The following DAB1 variants were observed in gnomAD, a reference collection of about 807,000 sequenced individuals.
DAB1 encodes the protein DAB adaptor protein 1.
DAB1 carries 15 observed loss-of-function variants against 64.6 expected under a neutral mutation model. The observed-to-expected ratio is 0.23, with a 90% confidence interval of 0.16 to 0.36. DAB1 has a LOEUF of 0.36. Ranked by LOEUF, DAB1 falls within the 10% of genes least tolerant of loss-of-function variation. The probability of loss-of-function intolerance (pLI) is 1.00; values close to 1 mark genes in which losing one functional copy is unlikely to be tolerated. For synonymous variants in DAB1, 235 were observed against 251.9 expected, an observed-to-expected ratio of 0.93 and a Z score of 0.64; for missense variants, 596 against 706.7, an observed-to-expected ratio of 0.84 and a Z score of 1.78.
intron 8 of DAB1, among the ~76,000 whole-genome samples, chr1:57,064,917 T>C (rs1466585090): frequency 6.6e-6 from 1 of 152,136 alleles, no homozygotes; most frequent in Non-Finnish European, 1.5e-5. Flanking sequence ...ACAGAGTCCT[T>C]GTTAATGAGG....
intron 6 of DAB1, among the ~76,000 whole-genome samples, chr1:57,707,630 T>C (rs1646984196): frequency 6.6e-6 from 1 of 152,166 alleles, no homozygotes; most frequent in South Asian, 2.1e-4. Context: ...CATTTTACAT[T>C]CTTGTGTCCA....
chr1:57,629,362 GA>G (rs1645960341), intron 7 of DAB1, among the ~76,000 whole-genome samples: 1 of 152,132 alleles, frequency 6.6e-6, no homozygotes. Context: ...GTGTTTGTGT[GA>G]AAAACCCACC....
At chr1:58,161,301 T>C (rs1229297259) in intron 4 of DAB1, among the ~76,000 whole-genome samples, 1 of 152,186 alleles carries the variant, frequency 6.6e-6, no homozygotes, top group East Asian at 1.9e-4. Context: ...CAATGCATAT[T>C]CATGAACACA....
chr1:57,314,109 T>C (rs775916432), intron 1 of DAB1, among the ~76,000 whole-genome samples: 36 of 152,208 alleles, frequency 2.4e-4, no homozygotes, highest in South Asian at 4.1e-4. Flanking sequence ...GGATTCTGCA[T>C]CTTTTGGCAG....
At chr1:58,012,724 C>T (rs1435480182) in intron 5 of DAB1, among the ~76,000 whole-genome samples, 5 of 152,232 alleles carry the variant, frequency 3.3e-5, no homozygotes, top group African/African-American at 1.2e-4. Flanking sequence ...AGGAAGTGGC[C>T]CTCACCAGAC....
intron 5 of DAB1, among the ~76,000 whole-genome samples, chr1:57,914,816 T>A (rs1200438000): frequency 2.6e-5 from 4 of 152,176 alleles, no homozygotes; most frequent in Non-Finnish European, 5.9e-5. Flanking sequence ...CATAAATGAT[T>A]CCCAAAGTAT....
chr1:58,326,379 G>A (rs992823013), intron 4 of DAB1, among the ~76,000 whole-genome samples: 1 of 152,166 alleles, frequency 6.6e-6, no homozygotes, highest in Non-Finnish European at 1.5e-5. Flanking sequence ...GAGTGCAGGA[G>A]AGGAATTATC....
intron 4 of DAB1, among the ~76,000 whole-genome samples, chr1:58,160,341 T>A (rs188936645): frequency 1.3e-5 from 2 of 152,308 alleles, no homozygotes; most frequent in African/African-American, 4.8e-5. Context: ...TACCGCAGGC[T>A]GCTCTGGATA....
intron 3 of DAB1, among the ~76,000 whole-genome samples, chr1:58,424,324 C>T (rs573221517): frequency 5.7e-4 from 87 of 152,280 alleles, no homozygotes; most frequent in Non-Finnish European, 1.0e-3. Flanking sequence ...CTCAGTCTAC[C>T]GATTTCAAAT....
At chr1:58,123,356 C>T (rs565354301) in intron 5 of DAB1, among the ~76,000 whole-genome samples, 1 of 152,218 alleles carries the variant, frequency 6.6e-6, no homozygotes, top group African/African-American at 2.4e-5. Context: ...TTCCTAAGTC[C>T]TTACTCCATC....
intron 4 of DAB1, among the ~76,000 whole-genome samples, chr1:58,323,029 G>A (rs906040901): frequency 1.4e-4 from 19 of 136,992 alleles, no homozygotes; most frequent in Non-Finnish European, 2.9e-4. Flanking sequence ...TCATAGGTTC[G>A]AACAGAATAA....
intron 7 of DAB1, among the ~76,000 whole-genome samples, chr1:57,069,644 G>T (rs948064330): frequency 6.6e-6 from 1 of 152,218 alleles, no homozygotes; most frequent in Non-Finnish European, 1.5e-5. Flanking sequence ...CAGTATTTCA[G>T]CAGTGATTGC....
At chr1:57,140,467 A>G (rs1027371957) in intron 3 of DAB1, among the ~76,000 whole-genome samples, 1 of 152,196 alleles carries the variant, frequency 6.6e-6, no homozygotes, top group Non-Finnish European at 1.5e-5. Context: ...TTCTACTACA[A>G]TCCTCTCTTC....
At chr1:57,745,247 G>T (rs1025015893) in intron 6 of DAB1, among the ~76,000 whole-genome samples, 2 of 152,108 alleles carry the variant, frequency 1.3e-5, no homozygotes, top group African/African-American at 4.8e-5. Context: ...TACTTCCCGG[G>T]AAGTTGTTTA....
At chr1:58,497,349 G>T (rs1311065308) in intron 3 of DAB1, among the ~76,000 whole-genome samples, 3 of 152,124 alleles carry the variant, frequency 2.0e-5, no homozygotes, top group Non-Finnish European at 4.4e-5. Flanking sequence ...ACACTGCTGA[G>T]ATACAGAAAT....
At chr1:58,387,949 T>G (rs338936) in intron 3 of DAB1, among the ~76,000 whole-genome samples, 81,776 of 151,772 alleles carry the variant, frequency 0.54, 22,433 homozygotes, top group African/African-American at 0.64. Context: ...GGATGGTCTT[T>G]ATCTCCTGAC....
chr1:57,808,794 G>A (rs922282866), intron 6 of DAB1, among the ~76,000 whole-genome samples: 3 of 152,212 alleles, frequency 2.0e-5, no homozygotes, highest in Admixed American at 2.0e-4. Context: ...ATTATTTAGG[G>A]ACAAAGAAGT....
intron 4 of DAB1, among the ~76,000 whole-genome samples, chr1:58,176,631 C>T (rs1161534553): frequency 2.6e-5 from 4 of 152,136 alleles, no homozygotes; most frequent in Non-Finnish European, 5.9e-5. Flanking sequence ...CCTTTTATAA[C>T]AGCATTAATT....
At chr1:57,678,267 G>A (rs1421336011) in intron 6 of DAB1, among the ~76,000 whole-genome samples, 1 of 152,134 alleles carries the variant, frequency 6.6e-6, no homozygotes, top group African/African-American at 2.4e-5. Flanking sequence ...GCATTGCAGA[G>A]GACCCATTAA....
Sources: gnomAD v4.1 joint callset for allele counts (sites outside exome capture counted in the v4.1 genomes callset) on GRCh38, gnomAD v4.1.1 for gene constraint, MANE v1.5 for transcripts, NCBI Gene and HGNC (gene_info 2026-07-23, HGNC 2026-07-21) for gene names.